Variants in RIN2 observed in about 807,000 individuals in gnomAD.
The protein encoded by RIN2 is RAB5 interacting protein 2.
In RIN2, 36 loss-of-function variants were observed where a neutral mutation model predicts 78.0. That is an observed-to-expected ratio of 0.46 (90% CI 0.35 to 0.61). The LOEUF is 0.61. Ranked by LOEUF, RIN2 falls within the 20% of genes least tolerant of loss-of-function variation. RIN2 has a pLI of 0.00. For synonymous variants in RIN2, 466 were observed against 466.8 expected, an observed-to-expected ratio of 1.00 and a Z score of 0.02; for missense variants, 1,087 against 1,159.7, an observed-to-expected ratio of 0.94 and a Z score of 0.91.
intron 1 of RIN2, among the ~76,000 whole-genome samples, chr20:19,768,171 A>T (rs1161299262): frequency 6.6e-6 from 1 of 152,180 alleles, no homozygotes; most frequent in Non-Finnish European, 1.5e-5. Context: ...TCTAAATAGC[A>T]TCTCAGGCTC....
chr20:19,910,441 G>A (rs546093569), intron 3 of RIN2, among the ~76,000 whole-genome samples: 28 of 152,018 alleles, frequency 1.8e-4, no homozygotes, highest in African/African-American at 6.8e-4. Context: ...CCAAAGTGCT[G>A]GGATTACAGG....
intron 1 of RIN2, among the ~76,000 whole-genome samples, chr20:19,777,242 G>C (rs915526794): frequency 6.6e-6 from 1 of 152,170 alleles, no homozygotes; most frequent in African/African-American, 2.4e-5. Flanking sequence ...AAATCTCAGG[G>C]GAAGAGACTC....
At chr20:19,845,642 G>A (rs1228003621) in intron 2 of RIN2, among the ~76,000 whole-genome samples, 1 of 151,416 alleles carries the variant, frequency 6.6e-6, no homozygotes, top group Non-Finnish European at 1.5e-5. Flanking sequence ...TTGTCAGATG[G>A]ATAGATTGCA....
chr20:19,803,108 G>A (rs967468403), intron 2 of RIN2, among the ~76,000 whole-genome samples: 2 of 152,226 alleles, frequency 1.3e-5, no homozygotes, highest in Admixed American at 1.3e-4. Context: ...TCTGTGGGCT[G>A]AGAATTGTAA....
chr20:19,789,830 C>T (rs1296744899), intron 1 of RIN2, among the ~76,000 whole-genome samples: 1 of 152,174 alleles, frequency 6.6e-6, no homozygotes, highest in Admixed American at 6.5e-5. Context: ...AGATTCCTCA[C>T]CTCGAGTTGC....
chr20:19,912,345 T>A (rs1266701425), intron 3 of RIN2, among the ~76,000 whole-genome samples: 1 of 152,158 alleles, frequency 6.6e-6, no homozygotes, highest in Non-Finnish European at 1.5e-5. Context: ...AGGTCCATGC[T>A]TTTTACCAGG....
intron 3 of RIN2, among the ~76,000 whole-genome samples, chr20:19,921,849 G>GTTGTTTGTTTGT (rs71198035): frequency 2.7e-5 from 4 of 150,506 alleles, no homozygotes; most frequent in African/African-American, 9.8e-5. Flanking sequence ...GGATCTGTCG[G>GTTGTTTGTTTGT]TTGTTTGTTT....
chr20:19,987,795 C>CT (rs2042667770), intron 9 of RIN2, among the ~76,000 whole-genome samples: 1 of 152,130 alleles, frequency 6.6e-6, no homozygotes, highest in South Asian at 2.1e-4. Context: ...AGTTGTTCTG[C>CT]TTTTTTTCCT....
chr20:19,899,766 T>G (rs987602466), intron 3 of RIN2, among the ~76,000 whole-genome samples: 10 of 152,168 alleles, frequency 6.6e-5, no homozygotes, highest in African/African-American at 2.4e-4. Flanking sequence ...GCAAGAGAGA[T>G]GGAAGTCACA....
rs765451619 is a variant in RIN2 at position 19,956,744 on chromosome 20, A to G, written c.288A>G (p.Ile96Met). ...ILDRLLHTHP[I>M]WLQLSLSEEE... The stretch of plus-strand genomic sequence containing the variant: ...ACCGGCTCCTCCACACCCACCCCAT[A>G]TGGCTGCAGCTGAGTCTGAGTGAGG... Residue 96 changes from isoleucine to methionine, a missense_variant, in exon 5 of 13, where the codon ATA (isoleucine) becomes ATG (methionine). Ile to Met is a conservative substitution (Grantham distance 10). Coordinates refer to ENST00000255006, the MANE Select transcript of RIN2 (RefSeq NM_018993.4). The G allele has an allele frequency of 3.4e-5, 54 of 1,608,552 alleles. No individual in the cohort carries two copies. The South Asian group carries it at 5.5e-4, about 16-fold the overall frequency.
intron 3 of RIN2, among the ~76,000 whole-genome samples, chr20:19,911,401 G>A (rs2039460286): frequency 6.6e-6 from 1 of 152,168 alleles, no homozygotes; most frequent in African/African-American, 2.4e-5. Flanking sequence ...TCTCTATATA[G>A]CTACATATGT....
At chr20:19,924,499 AC>A (rs1402831544) in intron 3 of RIN2, among the ~76,000 whole-genome samples, 7 of 68,106 alleles carry the variant, frequency 1.0e-4, no homozygotes, top group Admixed American at 3.9e-4. Context: ...CCACCTTCAT[AC>A]CCCCACCTTC....
intron 3 of RIN2, among the ~76,000 whole-genome samples, chr20:19,902,290 C>G (rs905057622): frequency 6.6e-6 from 1 of 152,268 alleles, no homozygotes; most frequent in Non-Finnish European, 1.5e-5. Context: ...GAGATGCTGA[C>G]TCTGTGCCTC....
At position 19,785,012 on chromosome 20, in the gene RIN2, G is replaced by GCTTC. The variant is rs2034627153; in HGVS notation, c.-162-14608_-162-14605dup. ...CAAAGAAAACCGCAAAATCAGACATGCTTCCCCTCTTCCAGAGTAAGCACA... is the reference window on the plus strand; with the variant it reads ...CAAAGAAAACCGCAAAATCAGACATGCTTCCTTCCCCTCTTCCAGAGTAAGCACA... On this transcript the variant is annotated intron_variant, in intron 1 of 12. Coordinates refer to ENST00000255006, the MANE Select transcript of RIN2 (RefSeq NM_018993.4). Among the ~76,000 whole-genome samples the GCTTC allele has an allele frequency of 3.9e-5, 6 of 152,156 alleles. No homozygotes were observed. The South Asian group carries it at 1.2e-3, about 32-fold the overall frequency.
intron 4 of RIN2, among the ~76,000 whole-genome samples, chr20:19,952,319 A>G (rs761039776): frequency 6.6e-6 from 1 of 152,206 alleles, no homozygotes; most frequent in Non-Finnish European, 1.5e-5. Flanking sequence ...CTCGCAGCAG[A>G]TGGGGCATGG....
chr20:20,000,819 G>A lies in RIN2; in HGVS notation c.2571G>A (p.Lys857=), dbSNP rs149821491. The A allele has an allele frequency of 5.4e-4, 869 of 1,613,964 alleles. 4 individuals carry two copies. The African/African-American group carries it at 9.8e-3, about 18-fold the overall frequency. ...AGGACACTTACCCTCAAAAAATCAA[G>A]GCGGAGCTGCACAGCCGACCACAGC... ...LAEDTYPQKI[K]AELHSRPQPH... Residue 857 remains lysine (K), a synonymous_variant, in exon 13 of 13, where the codon AAG becomes AAA. Transcript: ENST00000255006.
At chr20:19,926,321 A>T (rs1393420492) in intron 3 of RIN2, among the ~76,000 whole-genome samples, 1 of 152,110 alleles carries the variant, frequency 6.6e-6, no homozygotes, top group African/African-American at 2.4e-5. Context: ...CACCCTTGGG[A>T]GGAGTAATAC....
intron 3 of RIN2, 60 bp from the exon 4 acceptor site, chr20:19,935,039 G>A (rs947946788): frequency 6.4e-6 from 8 of 1,257,130 alleles, no homozygotes; most frequent in Admixed American, 2.0e-5. Flanking sequence ...TTCCCCGGGC[G>A]CTGTGGGCAT....
In RIN2 at chr20:20,000,946, G is replaced by A. The variant is rs749845137; in HGVS notation, c.*10G>A. On this transcript the variant is annotated 3_prime_UTR_variant, in exon 13 of 13. Transcript: ENST00000255006. ...CCTCACCACCTCCTAGAAGACAGGC[G>A]GGACTTCCCAGTGGTGCATCCAAAG... 13 of 1,599,750 alleles carry A rather than the reference G, an allele frequency of 8.1e-6. No homozygotes were observed. The highest frequency in any genetic ancestry group is 3.4e-5 in the Admixed American group (2 of 59,688).
Sources: gnomAD v4.1 joint callset for allele counts (sites outside exome capture counted in the v4.1 genomes callset) on GRCh38, gnomAD v4.1.1 for gene constraint, MANE v1.5 for transcripts, NCBI Gene and HGNC (gene_info 2026-07-23, HGNC 2026-07-21) for gene names.